Variants in BDP1 observed in about 807,000 individuals in gnomAD.
The protein encoded by BDP1 is BDP1 general transcription factor IIIB subunit.
Under a neutral mutation model 266.6 loss-of-function variants are expected in BDP1, and 169 were observed. The ratio of observed to expected loss-of-function variants is 0.63; its 90% CI spans 0.56 to 0.72. The LOEUF (loss-of-function observed/expected upper bound fraction) is 0.72, where lower values mean the gene tolerates loss of function less well. Among genes scored for constraint, BDP1 ranks in the 30% least tolerant of loss-of-function variants. The pLI is 0.00. For synonymous variants in BDP1, 1,090 were observed against 1,022.4 expected (o/e 1.07, Z -1.26); for missense variants, 3,015 against 3,053.8 (o/e 0.99, Z 0.30).
At chr5:71,522,231 T>C (rs1251188984) in intron 22 of BDP1, 58 bp from the exon 23 acceptor site, 3 of 1,386,814 alleles carry the variant, frequency 2.2e-6, no homozygotes, top group Non-Finnish European at 3.0e-6. Context: ...GTAACAGCTG[T>C]TATATCAACA....
chr5:71,494,298 G>T (rs973698783), intron 11 of BDP1, among the ~76,000 whole-genome samples: 2 of 152,234 alleles, frequency 1.3e-5, no homozygotes, highest in Non-Finnish European at 2.9e-5. Context: ...GAAATGGTCA[G>T]TGCGTGGCTA....
Position 71,522,381 on chromosome 5 carries a change from A to C in BDP1, c.5084A>C (p.Lys1695Thr). 2 of 1,614,022 alleles carry C rather than the reference A, an allele frequency of 1.2e-6. No homozygotes were observed. Among genetic ancestry groups the C allele is most frequent in the South Asian group, 1.1e-5 (1 of 91,074 alleles). ...AKPNLGRAHS[K>T]KEEPVLEKVT... Reference sequence around the variant, plus strand: ...CCAAATTTGGGAAGAGCACACAGTAAGAAAGAGGAACCAGTTTTAGAAAAA... The same window carrying C: ...CCAAATTTGGGAAGAGCACACAGTACGAAAGAGGAACCAGTTTTAGAAAAA... Residue 1695 changes from lysine to threonine, a missense_variant, in exon 23 of 39, where the codon AAG (lysine) becomes ACG (threonine). Physicochemically the swap from Lys to Thr is moderately conservative, Grantham distance 78 (BLOSUM62 -1). Transcript: ENST00000358731.
At chr5:71,521,102 C>T (rs755261163) in intron 22 of BDP1, among the ~76,000 whole-genome samples, 43 of 150,724 alleles carry the variant, frequency 2.9e-4, no homozygotes, top group Non-Finnish European at 5.6e-4. Flanking sequence ...GCAGGAGAAT[C>T]GCTTGAACCT....
the BDP1 span, among the ~76,000 whole-genome samples, chr5:71,575,056 G>A: frequency 1.3e-5 from 2 of 152,166 alleles, no homozygotes; most frequent in East Asian, 1.9e-4. Flanking sequence ...GTCTTGGTCC[G>A]GATGGACAGT....
chr5:71,460,634 A>G (rs1035813166), intron 2 of BDP1, among the ~76,000 whole-genome samples: 14 of 152,306 alleles, frequency 9.2e-5, no homozygotes, highest in South Asian at 4.1e-4. Context: ...CAATTGCTTG[A>G]ACCTGGAAGG....
intron 12 of BDP1, among the ~76,000 whole-genome samples, chr5:71,495,840 A>G (rs1329682701): frequency 6.6e-6 from 1 of 152,198 alleles, no homozygotes; most frequent in Non-Finnish European, 1.5e-5. Context: ...CTTCCCAAGA[A>G]ACGATTAAAA....
chr5:71,480,869 G>GT (rs1561689214), intron 7 of BDP1, among the ~76,000 whole-genome samples: 2 of 152,124 alleles, frequency 1.3e-5, no homozygotes, highest in African/African-American at 4.8e-5. Flanking sequence ...CCGGCCAACC[G>GT]TGAGTTTTTT....
At chr5:71,461,547 A>C (rs1761565198) in intron 2 of BDP1, among the ~76,000 whole-genome samples, 1 of 152,040 alleles carries the variant, frequency 6.6e-6, no homozygotes, top group Non-Finnish European at 1.5e-5. Flanking sequence ...TCAGGAGTTC[A>C]AGGCTGCAGT....
intron 12 of BDP1, among the ~76,000 whole-genome samples, chr5:71,495,678 T>A (rs1763848099): frequency 1.3e-5 from 2 of 152,218 alleles, no homozygotes; most frequent in Non-Finnish European, 2.9e-5. Context: ...TACGAAATTC[T>A]AAAACAATTT....
chr5:71,519,006 G>A (rs1765363296), intron 22 of BDP1, among the ~76,000 whole-genome samples: 1 of 151,768 alleles, frequency 6.6e-6, no homozygotes, highest in Admixed American at 6.6e-5. Flanking sequence ...TTTTAGTAGA[G>A]ATGGGGTTTC....
At chr5:71,547,455 A>G (rs1360306446) in intron 32 of BDP1, among the ~76,000 whole-genome samples, 1 of 152,076 alleles carries the variant, frequency 6.6e-6, no homozygotes, top group African/African-American at 2.4e-5. Context: ...AGTTTGTCCC[A>G]TTATTGGTGA....
At position 71,486,533 on chromosome 5, in the gene BDP1, A is replaced by G. The variant is rs1763272244; in HGVS notation, c.1119A>G (p.Lys373=). The G allele has an allele frequency of 6.5e-7, 1 of 1,545,666 alleles. No homozygotes were observed. The highest frequency in any genetic ancestry group is 8.6e-7 in the Non-Finnish European group (1 of 1,158,108). The change falls in exon 9 of 39, where the codon AAA becomes AAG. Residue 373 remains lysine, a synonymous_variant. Coordinates refer to ENST00000358731, the MANE Select transcript of BDP1 (RefSeq NM_018429.3). ...DFDFFAHLLQ[K]VLAEEEKRKQ... is the part of the protein sequence containing the mutation. ...ATTTTTTTGCTCATTTGCTTCAGAA[A>G]GTTCTTGCTGAAGAAGAGAAAAGAA...
chr5:71,480,835 A>G (rs1324043439), intron 7 of BDP1, among the ~76,000 whole-genome samples: 1 of 152,076 alleles, frequency 6.6e-6, no homozygotes, highest in Non-Finnish European at 1.5e-5. Context: ...CAGTGCTAGG[A>G]TTATAAGAAG....
At position 71,496,660 on chromosome 5, in the gene BDP1, G is replaced by T. The variant is rs539798404; in HGVS notation, c.1800-610G>T. On this transcript the variant is annotated intron_variant, in intron 12 of 38. Transcript: ENST00000358731. ...TGCAGTGGCACCATCTTGGCTCACT[G>T]CAACCCCCGCCTCCCGGGTTCAAGG... Among the ~76,000 whole-genome samples the T allele has an allele frequency of 2.6e-5, 4 of 152,256 alleles. No homozygotes were observed. In the South Asian group the frequency reaches 8.3e-4, roughly 32 times the overall value.
At chr5:71,466,616 TACAATG>T (rs971244933) in intron 5 of BDP1, among the ~76,000 whole-genome samples, 4 of 152,208 alleles carry the variant, frequency 2.6e-5, no homozygotes, top group African/African-American at 9.6e-5. Context: ...CTAATGGATA[TACAATG>T]AAATGTAGGT....
At position 71,511,029 on chromosome 5, in the gene BDP1, A is replaced by G; in HGVS notation, c.3937A>G (p.Lys1313Glu). 1 of 1,614,186 alleles carries G rather than the reference A, an allele frequency of 6.2e-7. No homozygotes were observed. The highest frequency in any genetic ancestry group is 2.2e-5 in the East Asian group (1 of 44,882). ...GGTGGCAGAATTGAAACAAACTGGA[A>G]AAACAGACATTTCTCCAAGGGAAAA... Reference protein sequence around the residue: ...EKVAELKQTGKTDISPRENEL... With the variant: ...EKVAELKQTGETDISPRENEL... Residue 1313 changes from lysine to glutamate, a missense_variant, in exon 17 of 39, where the codon AAA (lysine) becomes GAA (glutamate). Lys to Glu is a moderately conservative substitution (Grantham distance 56). Around this residue, in one of 3 missense-constraint regions of BDP1, gnomAD observed 2,383 missense variants for 2,404.9 expected, o/e 0.99. Coordinates refer to ENST00000358731, the MANE Select transcript of BDP1 (RefSeq NM_018429.3).
chr5:71,560,741 A>G (rs1743588047), intron 37 of BDP1, among the ~76,000 whole-genome samples: 2 of 152,218 alleles, frequency 1.3e-5, no homozygotes, highest in Admixed American at 1.3e-4. Flanking sequence ...ATCAATAATT[A>G]TTGGCTTGTC....
intron 30 of BDP1, among the ~76,000 whole-genome samples, chr5:71,542,905 G>A (rs1767062176): frequency 6.6e-6 from 1 of 151,796 alleles, no homozygotes; most frequent in Admixed American, 6.6e-5. Context: ...TTCAACTCAT[G>A]TCCTTGAGCC....
In BDP1 at chr5:71,458,797, G is replaced by C. The variant is rs757987230; in HGVS notation, c.431G>C (p.Arg144Pro). Residue 144 changes from arginine to proline, a missense_variant, in exon 2 of 39, where the codon CGA (arginine) becomes CCA (proline). This residue lies in a region of BDP1 where 2,383 missense variants were observed against 2,404.9 expected (regional missense o/e 0.99). Transcript: ENST00000358731. ...AAACAGCCATGCTCAGACAGATACCGAATATACAAAGCCCAGAAACTGAGG... is the reference window on the plus strand; with the variant it reads ...AAACAGCCATGCTCAGACAGATACCCAATATACAAAGCCCAGAAACTGAGG... ...KEKQPCSDRY[R>P]IYKAQKLREM... 1 of 1,614,002 alleles carries C rather than the reference G, an allele frequency of 6.2e-7. No individual in the cohort carries two copies. Among genetic ancestry groups the C allele is most frequent in the South Asian group, 1.1e-5 (1 of 91,076 alleles).
Sources: gnomAD v4.1 joint callset for allele counts (sites outside exome capture counted in the v4.1 genomes callset) on GRCh38, gnomAD v4.1.1 for gene constraint, gnomAD v4.1.1 regional missense constraint, MANE v1.5 for transcripts, NCBI Gene and HGNC (gene_info 2026-07-23, HGNC 2026-07-21) for gene names.